Variants in TJP1 observed in about 807,000 individuals in gnomAD.
The protein encoded by TJP1 is tight junction protein ZO-1.
A neutral mutation model predicts 194.2 loss-of-function variants in TJP1; 43 were observed. That is an observed-to-expected ratio of 0.22 (90% CI 0.17 to 0.29). TJP1 has a LOEUF of 0.29. TJP1 is among the 10% of genes least tolerant of loss of function. The pLI is 1.00. For synonymous variants in TJP1, 801 were observed against 779.0 expected, an observed-to-expected ratio of 1.03 and a Z score of -0.47; for missense variants, 1,971 against 2,185.7, an observed-to-expected ratio of 0.90 and a Z score of 1.96.
intron 27 of TJP1, 52 bp from the exon 28 acceptor site, chr15:29,701,741 G>A (rs2041555757): frequency 7.4e-6 from 10 of 1,357,716 alleles, no homozygotes; most frequent in African/African-American, 2.9e-5. Flanking sequence ...ACTGCTATCC[G>A]TAATGCTTTG....
intron 2 of TJP1, among the ~76,000 whole-genome samples, chr15:29,914,471 T>C (rs2054120345): frequency 6.6e-6 from 1 of 152,136 alleles, no homozygotes; most frequent in South Asian, 2.1e-4. Context: ...TCTGTATTCA[T>C]AGCCAGATAC....
intron 2 of TJP1, among the ~76,000 whole-genome samples, chr15:29,880,333 T>C (rs2052880383): frequency 6.6e-6 from 1 of 152,208 alleles, no homozygotes; most frequent in South Asian, 2.1e-4. Context: ...ATTTAGTGTG[T>C]GTAATTTGAT....
In TJP1 at chr15:29,718,692, A is replaced by C. The variant is rs752992768; in HGVS notation, c.3450T>G (p.Pro1150=). The C allele has an allele frequency of 1.9e-6, 3 of 1,614,156 alleles. No homozygotes were observed. In the South Asian group the frequency reaches 3.3e-5, roughly 18 times the overall value. ...CTTCGTGCCGCAGGGCGGATGCTCT[A>C]GGTGCCTGTTCGTAACGTGGTCTGC... ...YDSRPRYEQA[P]RASALRHEEQ... The change falls in exon 21 of 28, where the codon CCT becomes CCG. Residue 1150 remains proline (P), a synonymous_variant. Coordinates refer to ENST00000614355, the MANE Select transcript of TJP1 (RefSeq NM_001330239.4).
intron 4 of TJP1, among the ~76,000 whole-genome samples, chr15:29,771,862 A>C (rs1438791665): frequency 6.6e-6 from 1 of 152,216 alleles, no homozygotes; most frequent in African/African-American, 2.4e-5. Context: ...CAATTGAAAA[A>C]AATCCTGGTA....
In TJP1 at chr15:29,720,539, G is replaced by C. The variant is rs1249898757; in HGVS notation, c.2582C>G (p.Thr861Ser). ...TGGAGTCCCAACCTCATCATTAAGAGTTTCATCTAGTTCTTGATCAGTGTA... is the reference window on the plus strand; with the variant it reads ...TGGAGTCCCAACCTCATCATTAAGACTTTCATCTAGTTCTTGATCAGTGTA... ...GAYTDQELDE[T>S]LNDEVGTPPE... Residue 861 changes from threonine (T) to serine (S), a missense_variant, in exon 19 of 28, where the codon ACT (threonine) becomes AGT (serine). Thr to Ser is a moderately conservative substitution (Grantham distance 58, BLOSUM62 1). Transcript: ENST00000614355. 1.9e-6 allele frequency: 3 copies of C among 1,613,964 alleles called. No homozygotes were observed. In the African/African-American group the frequency reaches 4.0e-5, roughly 22 times the overall value.
intron 2 of TJP1, among the ~76,000 whole-genome samples, chr15:29,891,333 C>T (rs80079797): frequency 0.014 from 2,178 of 152,244 alleles, 48 homozygotes; most frequent in African/African-American, 0.05. Flanking sequence ...AGTTTGAAAT[C>T]GGAAACTTGA....
In TJP1 at chr15:29,726,957, G is replaced by A. The variant is rs2043279208; in HGVS notation, c.2135C>T (p.Ala712Val). The A allele has an allele frequency of 6.2e-7, 1 of 1,614,140 alleles. No homozygotes were observed. Among genetic ancestry groups the A allele is most frequent in the African/African-American group, 1.3e-5 (1 of 75,030 alleles). Reference protein sequence around the residue: ...KHALLDVTPNAVDRLNYAQWY... With the variant: ...KHALLDVTPNVVDRLNYAQWY... ...CTGGGCATAGTTAAGACGATCAACT[G>A]CATTTGGTGTTACATCTAATAAAGC... Residue 712 changes from alanine (A) to valine (V), a missense_variant, in exon 17 of 28, where the codon GCA (alanine) becomes GTA (valine). Ala to Val is a moderately conservative substitution (Grantham distance 64). Coordinates refer to ENST00000614355, the MANE Select transcript of TJP1 (RefSeq NM_001330239.4).
intron 2 of TJP1, among the ~76,000 whole-genome samples, chr15:29,854,997 A>G (rs1380635920): frequency 6.6e-6 from 1 of 152,210 alleles, no homozygotes; most frequent in Non-Finnish European, 1.5e-5. Context: ...TTAATAAGCA[A>G]TCTGCAAAGA....
chr15:29,826,140 A>AT (rs999648054), upstream of TJP1, among the ~76,000 whole-genome samples: 84 of 105,246 alleles, frequency 8.0e-4, no homozygotes, highest in Middle Eastern at 4.9e-3. Context: ...ACACCATTTC[A>AT]TTTTTTTTTT....
In TJP1 at chr15:29,849,016, A is replaced by T. The variant is rs184471575; in HGVS notation, c.307-48314T>A. Reference sequence around the variant, plus strand: ...ACTTGCTGACATATCATCAGTAAAGACTTCTAAATGATAATGTAACATCTC... The same window carrying T: ...ACTTGCTGACATATCATCAGTAAAGTCTTCTAAATGATAATGTAACATCTC... On this transcript the variant is annotated intron_variant, in intron 2 of 28. Coordinates refer to the TJP1 transcript ENST00000356107. Among the ~76,000 whole-genome samples, 450 of 152,308 alleles carry T rather than the reference A, an allele frequency of 3.0e-3. 4 individuals carry two copies. The highest frequency in any genetic ancestry group is 0.01 in the African/African-American group (433 of 41,556).
At chr15:29,900,368 T>G (rs2053599066) in intron 2 of TJP1, among the ~76,000 whole-genome samples, 1 of 152,118 alleles carries the variant, frequency 6.6e-6, no homozygotes, top group Admixed American at 6.5e-5. Context: ...CAGCTTACCT[T>G]TAACAGGATC....
intron 2 of TJP1, among the ~76,000 whole-genome samples, chr15:29,784,244 T>C (rs2047557645): frequency 6.6e-6 from 1 of 152,106 alleles, no homozygotes; most frequent in African/African-American, 2.4e-5. Context: ...GGAGGACTAA[T>C]ACCAAAAATA....
chr15:29,903,223 T>G (rs1472202295), intron 2 of TJP1, among the ~76,000 whole-genome samples: 2 of 152,136 alleles, frequency 1.3e-5, no homozygotes, highest in East Asian at 3.9e-4. Context: ...TCATCGTTTT[T>G]AAGCTCCATA....
At chr15:29,760,348 T>C (rs762556840) in intron 8 of TJP1, 3 of 678,688 alleles carry the variant, frequency 4.4e-6, no homozygotes, top group Admixed American at 2.2e-5. Context: ...ATACTACCAG[T>C]ATACCAGAAC....
At chr15:29,915,602 C>T (rs995217546) in intron 2 of TJP1, among the ~76,000 whole-genome samples, 3 of 152,160 alleles carry the variant, frequency 2.0e-5, no homozygotes, top group Non-Finnish European at 4.4e-5. Flanking sequence ...TAACCATTGC[C>T]AAATCTTCCT....
Position 29,800,701 on chromosome 15 carries a change from C to T in TJP1, c.29G>A (p.Ser10Asn), listed in dbSNP as rs778814817. 6.2e-7 allele frequency: 1 copy of T among 1,613,376 alleles called. No homozygotes were observed. The highest frequency in any genetic ancestry group is 1.3e-5 in the African/African-American group (1 of 74,858). Residue 10 changes from serine (S) to asparagine (N), a missense_variant and splice_region_variant, in exon 2 of 28, where the codon AGC becomes AAC. By Grantham distance (46) the Ser-to-Asn change is conservative (BLOSUM62 1). Transcript: ENST00000614355. MSARAAAAK[S>N]TAMEETAIWE... The stretch of plus-strand genomic sequence containing the variant: ...TATAGCTGTTTCCTCCATTGCTGTG[C>T]TCTGATAAAGGAAAAGAAAAACAAA...
rs530312758 is a variant in TJP1, at chr15:29,885,347, TC to T, written c.306+70884del. Among the ~76,000 whole-genome samples the T allele has an allele frequency of 3.1e-3, 468 of 152,266 alleles. 3 individuals carry two copies. The highest frequency in any genetic ancestry group is 0.011 in the African/African-American group (451 of 41,542). ...GCCAGTGTTCCTACCACTGCAGAGT[TC>T]CCTGGCAAGGGAACACATGGAGATA... On this transcript the variant is annotated intron_variant, in intron 2 of 28. Coordinates refer to the TJP1 transcript ENST00000356107.
intron 2 of TJP1, among the ~76,000 whole-genome samples, chr15:29,786,185 T>G (rs1415941531): frequency 1.3e-5 from 2 of 152,198 alleles, no homozygotes; most frequent in African/African-American, 4.8e-5. Flanking sequence ...CCTTGGCTAG[T>G]CAAATTGTGT....
At chr15:29,802,266 C>T (rs1269257341) in intron 1 of TJP1, among the ~76,000 whole-genome samples, 1 of 152,204 alleles carries the variant, frequency 6.6e-6, no homozygotes, top group East Asian at 1.9e-4. Flanking sequence ...TCTCTTACTG[C>T]TGTCATTAGC....
Sources: allele counts gnomAD v4.1 joint callset (sites outside exome capture counted in the v4.1 genomes callset), GRCh38; gene constraint gnomAD v4.1.1; transcripts MANE v1.5; gene names NCBI Gene and HGNC (gene_info 2026-07-23, HGNC 2026-07-21).